The following EML6 variants were observed in gnomAD, a reference collection of about 807,000 sequenced individuals.
EML6 encodes echinoderm microtubule-associated protein-like 6.
Under a neutral mutation model 240.1 loss-of-function variants are expected in EML6, and 154 were observed. That is an observed-to-expected ratio of 0.64 (90% CI 0.56 to 0.73). The LOEUF is 0.73. Ranked by LOEUF, EML6 falls within the 30% of genes least tolerant of loss-of-function variation. The pLI is 0.00. For missense variants in EML6, 2,964 were observed against 2,474.6 expected (o/e 1.20, Z -4.20); for synonymous variants, 1,148 against 899.0 (o/e 1.28, Z -4.95).
At chr2:54,951,673 A>C (rs184512059) in intron 30 of EML6, among the ~76,000 whole-genome samples, 240 of 151,714 alleles carry the variant, frequency 1.6e-3, no homozygotes, top group African/African-American at 5.6e-3. Flanking sequence ...AAACAGGTTC[A>C]CATTTTGCCT....
chr2:54,835,171 G>T (rs1192209207), intron 7 of EML6, among the ~76,000 whole-genome samples: 1 of 152,128 alleles, frequency 6.6e-6, no homozygotes, highest in East Asian at 1.9e-4. Flanking sequence ...AACTCATTCT[G>T]CCTCTACCAC....
chr2:54,771,800 A>G (rs1284462747), intron 2 of EML6, among the ~76,000 whole-genome samples: 4 of 152,212 alleles, frequency 2.6e-5, no homozygotes, highest in East Asian at 1.9e-4. Context: ...ACTGCAGCCT[A>G]TTTTTCTACT....
At chr2:54,798,487 A>T (rs1451363932) in intron 2 of EML6, among the ~76,000 whole-genome samples, 1 of 152,100 alleles carries the variant, frequency 6.6e-6, no homozygotes, top group Non-Finnish European at 1.5e-5. Context: ...TATAGTTTTT[A>T]ATGTAAAGGA....
At chr2:54,824,297 C>G (rs917322720) in intron 5 of EML6, among the ~76,000 whole-genome samples, 4 of 152,152 alleles carry the variant, frequency 2.6e-5, no homozygotes, top group African/African-American at 9.7e-5. Context: ...TCTTAGCAGA[C>G]TTGGACATTT....
At chr2:54,796,393 A>G (rs564661648) in intron 2 of EML6, among the ~76,000 whole-genome samples, 1 of 152,354 alleles carries the variant, frequency 6.6e-6, no homozygotes, top group East Asian at 1.9e-4. Context: ...CTTAAAGGGA[A>G]AATGAAATAT....
At chr2:54,918,747 ACAT>A (rs1156244387) in intron 26 of EML6, among the ~76,000 whole-genome samples, 1 of 152,238 alleles carries the variant, frequency 6.6e-6, no homozygotes, top group Non-Finnish European at 1.5e-5. Flanking sequence ...GTCCAAGAAG[ACAT>A]CATTAAATTC....
intron 2 of EML6, among the ~76,000 whole-genome samples, chr2:54,795,020 C>T (rs981707667): frequency 8.5e-5 from 13 of 152,182 alleles, no homozygotes; most frequent in African/African-American, 1.9e-4. Context: ...AATTTTACCA[C>T]GCCATTCTTA....
At chr2:54,842,810 G>A (rs1158745183) in intron 7 of EML6, among the ~76,000 whole-genome samples, 2 of 152,200 alleles carry the variant, frequency 1.3e-5, no homozygotes, top group African/African-American at 2.4e-5. Context: ...ACTACTGAGA[G>A]GGACGTGTGG....
intron 29 of EML6, 126 bp from the exon 30 acceptor site, chr2:54,950,524 T>C (rs1675919910): frequency 1.0e-6 from 1 of 994,858 alleles, no homozygotes; most frequent in Non-Finnish European, 1.4e-6. Context: ...TTTCAGTGAG[T>C]GTGTGTTGGC....
At chr2:54,854,109 G>A (rs1029355778) in intron 11 of EML6, among the ~76,000 whole-genome samples, 2 of 152,086 alleles carry the variant, frequency 1.3e-5, no homozygotes, top group Non-Finnish European at 2.9e-5. Flanking sequence ...TGTAAGCCTT[G>A]TTTCACATTT....
At chr2:54,825,080 A>G (rs777098210) in intron 5 of EML6, among the ~76,000 whole-genome samples, 14 of 152,240 alleles carry the variant, frequency 9.2e-5, no homozygotes, top group African/African-American at 2.9e-4. Context: ...ACTTTTATGT[A>G]GATCAAGTCT....
intron 8 of EML6, among the ~76,000 whole-genome samples, chr2:54,846,637 C>T (rs921165522): frequency 1.3e-5 from 2 of 151,970 alleles, no homozygotes; most frequent in African/African-American, 4.8e-5. Context: ...GCATGCCCCA[C>T]CACACCCAGC....
intron 37 of EML6, 143 bp from the exon 38 acceptor site, chr2:54,964,428 C>A: frequency 1.3e-6 from 1 of 771,326 alleles, no homozygotes; most frequent in Non-Finnish European, 2.1e-6. Context: ...CCGTAGAATG[C>A]CAGGAGAGGC....
intron 2 of EML6, among the ~76,000 whole-genome samples, chr2:54,762,872 C>T (rs1421038067): frequency 6.6e-6 from 1 of 152,146 alleles, no homozygotes; most frequent in African/African-American, 2.4e-5. Context: ...GTGATCATTG[C>T]TGTGCCAGAA....
intron 35 of EML6, 54 bp from the exon 36 acceptor site, chr2:54,962,469 G>GA: frequency 2.2e-6 from 3 of 1,342,234 alleles, no homozygotes; most frequent in Non-Finnish European, 3.0e-6. Flanking sequence ...TACCTCATAT[G>GA]AGTGCAGTCA....
At chr2:54,819,444 A>G (rs1668225053) in intron 4 of EML6, among the ~76,000 whole-genome samples, 1 of 152,186 alleles carries the variant, frequency 6.6e-6, no homozygotes, top group Non-Finnish European at 1.5e-5. Flanking sequence ...CTGGATTGGA[A>G]ATAGAACTAC....
intron 28 of EML6, 103 bp from the exon 29 acceptor site, chr2:54,948,779 G>A (rs1675817478): frequency 2.5e-6 from 2 of 813,336 alleles, no homozygotes; most frequent in African/African-American, 1.7e-5. Context: ...TTTGAGGCGG[G>A]AGGAGAGAGG....
chr2:54,889,701 C>T (rs1672356822), intron 17 of EML6, among the ~76,000 whole-genome samples: 1 of 152,036 alleles, frequency 6.6e-6, no homozygotes, highest in Admixed American at 6.6e-5. Context: ...ATTTTTTAGA[C>T]ATATATCCTT....
At chr2:54,925,214 G>A (rs947109915) in intron 26 of EML6, among the ~76,000 whole-genome samples, 4 of 152,130 alleles carry the variant, frequency 2.6e-5, no homozygotes, top group Admixed American at 1.3e-4. Context: ...CTCTTCCTGT[G>A]AGCACACAGT....
Sources: allele counts gnomAD v4.1 joint callset (sites outside exome capture counted in the v4.1 genomes callset), GRCh38; gene constraint gnomAD v4.1.1; transcripts MANE v1.5; gene names NCBI Gene and HGNC (gene_info 2026-07-23, HGNC 2026-07-21).